Variants in CSMD3 observed in about 807,000 individuals in gnomAD.
CSMD3 encodes the protein CUB and Sushi multiple domains 3.
In CSMD3, 177 loss-of-function variants were observed where a neutral mutation model predicts 435.2. The ratio of observed to expected loss-of-function variants is 0.41; its 90% CI spans 0.36 to 0.46. CSMD3 has a LOEUF of 0.46. CSMD3 is among the 20% of genes least tolerant of loss of function. The pLI is 0.34. For missense variants in CSMD3, 4,265 were observed against 4,504.6 expected (o/e 0.95, Z 1.52); for synonymous variants, 1,656 against 1,520.5 (o/e 1.09, Z -2.07).
At chr8:113,305,319 TA>T (rs1278022624) in intron 2 of CSMD3, among the ~76,000 whole-genome samples, 1 of 152,032 alleles carries the variant, frequency 6.6e-6, no homozygotes, top group Non-Finnish European at 1.5e-5. Context: ...AATAAATTTT[TA>T]AAAAAAGAGA....
intron 16 of CSMD3, among the ~76,000 whole-genome samples, chr8:112,681,196 G>A (rs1021001512): frequency 5.3e-5 from 8 of 151,236 alleles, no homozygotes; most frequent in South Asian, 4.2e-4. Context: ...CACCACACCC[G>A]GCTAGTTTTT....
intron 3 of CSMD3, among the ~76,000 whole-genome samples, chr8:113,221,985 CTCAATGCGCA>C (rs1426990594): frequency 6.6e-6 from 1 of 150,518 alleles, no homozygotes; most frequent in Non-Finnish European, 1.5e-5. Context: ...AACGCAGACA[CTCAATGCGCA>C]TTTGTTGACA....
At chr8:112,783,924 A>G (rs1257927474) in intron 13 of CSMD3, among the ~76,000 whole-genome samples, 1 of 152,062 alleles carries the variant, frequency 6.6e-6, no homozygotes, top group Non-Finnish European at 1.5e-5. Flanking sequence ...TGTACTCAAC[A>G]CCAGAGCACT....
intron 32 of CSMD3, among the ~76,000 whole-genome samples, chr8:112,414,984 T>C (rs1563918857): frequency 6.6e-6 from 1 of 152,178 alleles, no homozygotes; most frequent in Non-Finnish European, 1.5e-5. Flanking sequence ...CATAAAAGTT[T>C]GGAGAATTTG....
chr8:113,085,299 C>CCTAAAAAGATCTAAA (rs1465600691), intron 5 of CSMD3, among the ~76,000 whole-genome samples: 1 of 151,392 alleles, frequency 6.6e-6, no homozygotes, highest in Admixed American at 6.6e-5. Flanking sequence ...TAAATAGGTG[C>CCTAAAAAGATCTAAA]TTGAGAAAAG....
At chr8:113,127,819 G>A (rs2091178087) in intron 4 of CSMD3, among the ~76,000 whole-genome samples, 1 of 152,058 alleles carries the variant, frequency 6.6e-6, no homozygotes, top group Non-Finnish European at 1.5e-5. Context: ...TAAGTACCAA[G>A]GGCCTTCATG....
intron 13 of CSMD3, among the ~76,000 whole-genome samples, chr8:112,740,267 A>G (rs1017977808): frequency 6.6e-6 from 1 of 151,760 alleles, no homozygotes; most frequent in African/African-American, 2.4e-5. Context: ...TCCATTTCTA[A>G]TAAGTAGTTT....
At chr8:112,764,915 T>TTTACTAATCTC (rs2077937932) in intron 13 of CSMD3, among the ~76,000 whole-genome samples, 1 of 151,454 alleles carries the variant, frequency 6.6e-6, no homozygotes, top group Non-Finnish European at 1.5e-5. Context: ...TTACAAATTA[T>TTTACTAATCTC]ATGTAGAGAA....
At chr8:112,394,612 A>G (rs1347777697) in intron 35 of CSMD3, among the ~76,000 whole-genome samples, 1 of 152,054 alleles carries the variant, frequency 6.6e-6, no homozygotes, top group East Asian at 1.9e-4. Flanking sequence ...CAGTCCATAC[A>G]CTTGCTCACC....
At chr8:112,481,627 T>C (rs1289313271) in intron 31 of CSMD3, among the ~76,000 whole-genome samples, 2 of 152,164 alleles carry the variant, frequency 1.3e-5, no homozygotes, top group Non-Finnish European at 2.9e-5. Flanking sequence ...AAATTACTTA[T>C]GCATTGATAT....
chr8:113,173,060 A>G (rs966231548), intron 4 of CSMD3, among the ~76,000 whole-genome samples: 1 of 152,236 alleles, frequency 6.6e-6, no homozygotes, highest in African/African-American at 2.4e-5. Flanking sequence ...GTCGTCTATC[A>G]GAAAGATTTA....
chr8:112,705,863 G>A (rs989465166), intron 13 of CSMD3, among the ~76,000 whole-genome samples: 3 of 151,978 alleles, frequency 2.0e-5, no homozygotes, highest in African/African-American at 7.2e-5. Flanking sequence ...GACTTACTGG[G>A]TATATTATAG....
intron 5 of CSMD3, among the ~76,000 whole-genome samples, chr8:113,044,170 T>C (rs1335650084): frequency 2.0e-5 from 3 of 152,082 alleles, no homozygotes; most frequent in Non-Finnish European, 4.4e-5. Context: ...CTGAGATTGA[T>C]ATTTCAAAGT....
intron 47 of CSMD3, among the ~76,000 whole-genome samples, chr8:112,316,166 T>C (rs1019191092): frequency 6.6e-6 from 1 of 151,818 alleles, no homozygotes; most frequent in African/African-American, 2.4e-5. Context: ...GAAAACTGAC[T>C]ATATAATAGA....
chr8:112,982,700 T>C, intron 6 of CSMD3, among the ~76,000 whole-genome samples: 1 of 151,934 alleles, frequency 6.6e-6, no homozygotes, highest in Non-Finnish European at 1.5e-5. Flanking sequence ...AGAGAACATG[T>C]CTTACAGAGG....
chr8:113,336,035 T>C (rs924037987), intron 1 of CSMD3, among the ~76,000 whole-genome samples: 3 of 152,136 alleles, frequency 2.0e-5, no homozygotes, highest in African/African-American at 7.2e-5. Context: ...CTTCTCCTTT[T>C]ATAATTCCAA....
At chr8:113,424,704 T>C (rs1162276306) in intron 1 of CSMD3, among the ~76,000 whole-genome samples, 2 of 151,484 alleles carry the variant, frequency 1.3e-5, no homozygotes, top group Non-Finnish European at 1.5e-5. Context: ...CTAGTTAATA[T>C]CAGTTGGCTG....
intron 5 of CSMD3, among the ~76,000 whole-genome samples, chr8:113,043,175 T>G (rs1162578427): frequency 6.6e-6 from 1 of 152,222 alleles, no homozygotes; most frequent in Non-Finnish European, 1.5e-5. Context: ...TAGGTCACCC[T>G]TAAATACAAA....
intron 3 of CSMD3, among the ~76,000 whole-genome samples, chr8:113,268,583 C>T (rs569048190): frequency 6.6e-6 from 1 of 151,942 alleles, no homozygotes; most frequent in Non-Finnish European, 1.5e-5. Flanking sequence ...AGTAAAGGGT[C>T]TCCAATACAT....
Sources: allele counts gnomAD v4.1 joint callset (sites outside exome capture counted in the v4.1 genomes callset), GRCh38; gene constraint gnomAD v4.1.1; transcripts MANE v1.5; gene names NCBI Gene and HGNC (gene_info 2026-07-23, HGNC 2026-07-21).